The following MTOR variants were observed in gnomAD, a reference collection of about 807,000 sequenced individuals.
MTOR encodes serine/threonine-protein kinase mTOR.
A neutral mutation model predicts 319.8 loss-of-function variants in MTOR; 70 were observed. The observed-to-expected ratio is 0.22, with a 90% CI of 0.18 to 0.27. The LOEUF (loss-of-function observed/expected upper bound fraction) is 0.27. MTOR is among the 10% of genes least tolerant of loss of function. The probability of loss-of-function intolerance (pLI) is 1.00; values close to 1 mark genes in which losing one functional copy is unlikely to be tolerated. For missense variants in MTOR, 1,890 were observed against 3,274.4 expected, an observed-to-expected ratio of 0.58 and a Z score of 10.32; for synonymous variants, 1,183 against 1,211.4, an observed-to-expected ratio of 0.98 and a Z score of 0.49.
rs760394338 is a variant in MTOR at position 11,230,912 on chromosome 1, AC to A, written c.2779+12del. On this transcript the variant is annotated intron_variant, in intron 18 of 57. Transcript: ENST00000361445. ...AGAACTTGGCAAGTCTTTCATGGCT[AC>A]CCCCAACTTACAGGAATCCTGACTT... 89 of 1,613,406 alleles carry A rather than the reference AC, an allele frequency of 5.5e-5. No homozygotes were observed. Among genetic ancestry groups the A allele is most frequent in the Middle Eastern group, 5.4e-4 (3 of 5,562 alleles).
chr1:11,245,078 T>C (rs1648640016), intron 8 of MTOR, among the ~76,000 whole-genome samples: 1 of 152,202 alleles, frequency 6.6e-6, no homozygotes, highest in Admixed American at 6.5e-5. Flanking sequence ...TGCTATTACC[T>C]AGAGATTTTT....
Position 11,129,937 on chromosome 1 carries a change from G to T in MTOR, c.5614-99C>A. Reference sequence around the variant, plus strand: ...CTAACTGTACCTACTTCAAAGGGTGGTTATAACAATTAAATCGGTTAATGC... The same window carrying T: ...CTAACTGTACCTACTTCAAAGGGTGTTTATAACAATTAAATCGGTTAATGC... On this transcript the variant is annotated intron_variant, in intron 39 of 57. Coordinates refer to ENST00000361445, the MANE Select transcript of MTOR (RefSeq NM_004958.4). The surrounding 1 kb of genome is among the most constrained non-coding windows in gnomAD (Gnocchi z 4.7). The T allele has an allele frequency of 1.0e-6, 1 of 1,001,464 alleles. No individual in the cohort carries two copies. Among genetic ancestry groups the T allele is most frequent in the Non-Finnish European group, 1.5e-6 (1 of 653,358 alleles). The allele number at this position is 1,001,464 out of a possible 1,614,324, so 62.0% of individuals were successfully genotyped here. A position where few individuals can be genotyped will look rare whatever the true frequency, so the allele number is the denominator to read the frequency against.
intron 9 of MTOR, among the ~76,000 whole-genome samples, chr1:11,242,041 A>G (rs1648111699): frequency 6.6e-6 from 1 of 152,194 alleles, no homozygotes; most frequent in African/African-American, 2.4e-5. Flanking sequence ...ATCATATGGA[A>G]AGAAATTCTT....
intron 28 of MTOR, chr1:11,193,615 G>A (rs1645644440): frequency 1.9e-6 from 3 of 1,609,866 alleles, no homozygotes; most frequent in Non-Finnish European, 2.5e-6. Flanking sequence ...GCGGAGGCTG[G>A]ACCATCATCC....
rs182319491 is a variant in MTOR at position 11,154,978 on chromosome 1, C to T, written c.4469+2174G>A. Among the ~76,000 whole-genome samples, 18 of 152,272 alleles carry T rather than the reference C, an allele frequency of 1.2e-4. 1 individual carries two copies. Among genetic ancestry groups the T allele is most frequent in the South Asian group, 1.0e-3 (5 of 4,826 alleles). ...CCTAGACTGCACTGTGAGACTCCGT[C>T]TCTACAAAAAATAAAAAAAATTAGC... is the stretch of plus-strand genomic sequence containing the variant. On this transcript the variant is annotated intron_variant, in intron 30 of 57. Coordinates refer to ENST00000361445, the MANE Select transcript of MTOR (RefSeq NM_004958.4).
Position 11,139,545 on chromosome 1 carries a change from C to T in MTOR, c.4986G>A (p.Lys1662=). ...TWLKYASLCG[K]SGRLALAHKT... ...GGTTGTCACTCACCAGCCTGCCACT[C>T]TTGCCGCACAGGCTTGCATACTTGA... Residue 1662 remains lysine (K), a synonymous_variant, in exon 35 of 58, where the codon AAG becomes AAA. Coordinates refer to ENST00000361445, the MANE Select transcript of MTOR (RefSeq NM_004958.4). 1 of 1,614,196 alleles carries T rather than the reference C, an allele frequency of 6.2e-7. No individual in the cohort carries two copies.
intron 19 of MTOR, among the ~76,000 whole-genome samples, chr1:11,227,070 G>A (rs1045073308): frequency 6.6e-6 from 1 of 151,588 alleles, no homozygotes; most frequent in African/African-American, 2.4e-5. Flanking sequence ...GGCTGAGGCA[G>A]TTGGATCACC....
intron 6 of MTOR, among the ~76,000 whole-genome samples, chr1:11,252,848 C>G (rs1037831521): frequency 3.3e-5 from 5 of 152,198 alleles, no homozygotes; most frequent in Non-Finnish European, 5.9e-5. Flanking sequence ...GTCAAAGCCA[C>G]CACTGTCACT....
At chr1:11,230,795 T>A in intron 18 of MTOR, 130 bp downstream of exon 18, 1 of 1,265,958 alleles carries the variant, frequency 7.9e-7, no homozygotes, top group East Asian at 2.3e-5. Flanking sequence ...TGACTTTTCA[T>A]TCAAAAGTTG....
chr1:11,173,763 G>A (rs142291135), intron 28 of MTOR, among the ~76,000 whole-genome samples: 1 of 152,266 alleles, frequency 6.6e-6, no homozygotes, highest in Non-Finnish European at 1.5e-5. Flanking sequence ...TAAAGCTGCT[G>A]GAGAATACTA....
chr1:11,141,774 C>T (rs1195391339), intron 34 of MTOR, among the ~76,000 whole-genome samples: 1 of 149,096 alleles, frequency 6.7e-6, no homozygotes, highest in Non-Finnish European at 1.5e-5. Flanking sequence ...ATCACAAGGT[C>T]AGGAGATCGA....
At chr1:11,189,080 G>A (rs1645416572) in intron 28 of MTOR, among the ~76,000 whole-genome samples, 1 of 152,148 alleles carries the variant, frequency 6.6e-6, no homozygotes, top group African/African-American at 2.4e-5. Context: ...ATAGAGTTGA[G>A]CCAGTGGCTG....
intron 28 of MTOR, among the ~76,000 whole-genome samples, chr1:11,186,977 CATGCTAA>C (rs1375471921): frequency 6.6e-6 from 1 of 152,200 alleles, no homozygotes; most frequent in Non-Finnish European, 1.5e-5. Context: ...ACCAGACACT[CATGCTAA>C]AGGCTAGATG....
intron 29 of MTOR, among the ~76,000 whole-genome samples, chr1:11,162,497 G>T (rs139090614): frequency 0.097 from 14,790 of 152,178 alleles, 1,213 homozygotes; most frequent in African/African-American, 0.2. Context: ...TTCACCAAAG[G>T]TGAAATGAAG....
chr1:11,126,946 A>C, intron 45 of MTOR, 64 bp downstream of exon 45: 1 of 1,600,720 alleles, frequency 6.2e-7, no homozygotes, highest in East Asian at 2.2e-5. Context: ...TAGAACATTC[A>C]TAGACAGTAA....
rs1643007662 is a variant in MTOR, at chr1:11,129,471, T to G, written c.5714+267A>C. 6.6e-6 allele frequency among the ~76,000 whole-genome samples: 1 copy of G among 152,186 alleles called. No individual in the cohort carries two copies. Among genetic ancestry groups the G allele is most frequent in the Admixed American group, 6.5e-5 (1 of 15,278 alleles). On this transcript the variant is annotated intron_variant, in intron 40 of 57. Transcript: ENST00000361445. The surrounding 1 kb of genome is among the most constrained non-coding windows in gnomAD (Gnocchi z 4.7). ...GTCAGAAAAAAAGAAATATTGTGATTAACAGATGGGTTAATAATCCCTCCA... is the reference window on the plus strand; with the variant it reads ...GTCAGAAAAAAAGAAATATTGTGATGAACAGATGGGTTAATAATCCCTCCA...
chr1:11,160,752 C>T (rs7533982), intron 29 of MTOR, among the ~76,000 whole-genome samples: 150,587 of 152,350 alleles, frequency 0.99, 74,461 homozygotes, highest in East Asian at 1. Flanking sequence ...TCAGTGCTTA[C>T]TGCATATTCG....
rs751813466 is a variant in MTOR at position 11,157,175 on chromosome 1, G to A, written c.4446C>T (p.Arg1482=). Residue 1482 remains arginine (R), a synonymous_variant, in exon 30 of 58, where the codon CGC becomes CGT. Coordinates refer to ENST00000361445, the MANE Select transcript of MTOR (RefSeq NM_004958.4). ...DDPELMLGRM[R]CLEALGEWGQ... ...ACCATTCCCCCAAGGCCTCGAGGCA[G>A]CGCATGCGGCCCAGCATCAGCTCTG... 1 of 1,611,688 alleles carries A rather than the reference G, an allele frequency of 6.2e-7. No homozygotes were observed. Among genetic ancestry groups the A allele is most frequent in the Non-Finnish European group, 8.5e-7 (1 of 1,178,910 alleles).
intron 54 of MTOR, among the ~76,000 whole-genome samples, chr1:11,111,295 G>T (rs1239246265): frequency 6.6e-6 from 1 of 151,808 alleles, no homozygotes; most frequent in Non-Finnish European, 1.5e-5. Flanking sequence ...CCTGGCCAAC[G>T]TGGTGAAACC....
Sources: allele counts gnomAD v4.1 joint callset (sites outside exome capture counted in the v4.1 genomes callset), GRCh38; gene constraint gnomAD v4.1.1; non-coding constraint Gnocchi (gnomAD v3.1); transcripts MANE v1.5; gene names NCBI Gene and HGNC (gene_info 2026-07-23, HGNC 2026-07-21).